Variants in PABPC4L observed in about 807,000 individuals in gnomAD.
PABPC4L encodes the protein poly(A) binding protein cytoplasmic 4 like.
For synonymous variants in PABPC4L, 169 were observed against 164.1 expected (o/e 1.03, Z -0.23); for missense variants, 452 against 451.4 (o/e 1.00, Z -0.01).
chr4:134,013,215 C>T, the PABPC4L span, among the ~76,000 whole-genome samples: 6 of 151,966 alleles, frequency 3.9e-5, no homozygotes. Context: ...TCCCACTTTT[C>T]TGGGGGAGGG....
At chr4:134,097,442 C>A in the PABPC4L span, among the ~76,000 whole-genome samples, 1 of 151,802 alleles carries the variant, frequency 6.6e-6, no homozygotes, top group South Asian at 2.1e-4. Context: ...GCAGACCAAT[C>A]AACTACCTCA....
chr4:134,015,233 A>G, the PABPC4L span, among the ~76,000 whole-genome samples: 1 of 152,144 alleles, frequency 6.6e-6, no homozygotes, highest in Non-Finnish European at 1.5e-5. Flanking sequence ...TTTAAAGCCT[A>G]TAAACTCTCC....
At chr4:134,120,088 T>C in the PABPC4L span, among the ~76,000 whole-genome samples, 1 of 151,598 alleles carries the variant, frequency 6.6e-6, no homozygotes, top group Admixed American at 6.6e-5. Context: ...TGCACTTCTG[T>C]TGACATTGAT....
At chr4:134,187,306 A>G in the PABPC4L span, among the ~76,000 whole-genome samples, 2 of 152,206 alleles carry the variant, frequency 1.3e-5, no homozygotes, top group South Asian at 2.1e-4. Context: ...ATGTCCATCA[A>G]TGATAGACTG....
chr4:133,983,759 A>T, the PABPC4L span, among the ~76,000 whole-genome samples: 6 of 151,936 alleles, frequency 3.9e-5, no homozygotes, highest in East Asian at 1.2e-3. Context: ...TCTTATAGGT[A>T]TATTGGAACA....
the PABPC4L span, among the ~76,000 whole-genome samples, chr4:134,145,113 C>A: frequency 6.6e-6 from 1 of 151,682 alleles, no homozygotes; most frequent in Non-Finnish European, 1.5e-5. Context: ...TAGGTTGGTG[C>A]AAAAGTAATT....
the PABPC4L span, among the ~76,000 whole-genome samples, chr4:134,140,442 C>G: frequency 6.6e-6 from 1 of 151,748 alleles, no homozygotes; most frequent in East Asian, 1.9e-4. Flanking sequence ...AAATGAATTT[C>G]TCATCAAATA....
chr4:134,078,650 GC>G, the PABPC4L span, among the ~76,000 whole-genome samples: 15 of 94,988 alleles, frequency 1.6e-4, no homozygotes, highest in African/African-American at 6.1e-4. Context: ...AAGTTTTGTA[GC>G]TTTTTTTTTT....
At chr4:133,956,058 TA>T in the PABPC4L span, among the ~76,000 whole-genome samples, 233 of 151,324 alleles carry the variant, frequency 1.5e-3, no homozygotes, top group Middle Eastern at 3.4e-3. Flanking sequence ...ATGGACTTAT[TA>T]AAAAAAAATG....
At chr4:133,952,005 C>A in the PABPC4L span, among the ~76,000 whole-genome samples, 1 of 152,116 alleles carries the variant, frequency 6.6e-6, no homozygotes, top group African/African-American at 2.4e-5. Flanking sequence ...TATTTAACTT[C>A]TTTTTCTACA....
the PABPC4L span, among the ~76,000 whole-genome samples, chr4:134,034,958 C>T: frequency 5.9e-5 from 9 of 151,916 alleles, no homozygotes; most frequent in African/African-American, 2.2e-4. Context: ...AACAGCATCA[C>T]ATATGACAGA....
the PABPC4L span, among the ~76,000 whole-genome samples, chr4:134,046,770 T>C: frequency 1.1e-4 from 16 of 152,310 alleles, no homozygotes; most frequent in African/African-American, 2.9e-4. Flanking sequence ...TGTAAACATA[T>C]TGTTAACAAG....
chr4:134,015,816 G>A, the PABPC4L span, among the ~76,000 whole-genome samples: 7 of 152,054 alleles, frequency 4.6e-5, no homozygotes, highest in Non-Finnish European at 7.4e-5. Flanking sequence ...TGCGTGTGGC[G>A]GCTGCCACTG....
the PABPC4L span, among the ~76,000 whole-genome samples, chr4:134,191,297 T>C: frequency 1.3e-5 from 2 of 152,006 alleles, no homozygotes; most frequent in African/African-American, 4.8e-5. Flanking sequence ...GACGGAAAAT[T>C]AAAAAGGAAA....
At chr4:134,091,053 T>C in the PABPC4L span, among the ~76,000 whole-genome samples, 4 of 151,992 alleles carry the variant, frequency 2.6e-5, no homozygotes, top group East Asian at 7.7e-4. Flanking sequence ...AAATGTGTGT[T>C]TGTGTTTTGG....
chr4:134,013,648 A>G, the PABPC4L span, among the ~76,000 whole-genome samples: 1 of 152,108 alleles, frequency 6.6e-6, no homozygotes, highest in Non-Finnish European at 1.5e-5. Flanking sequence ...AAACGGTCTG[A>G]GGTGCCTGAT....
the PABPC4L span, among the ~76,000 whole-genome samples, chr4:134,051,859 G>A: frequency 2.6e-5 from 4 of 152,006 alleles, no homozygotes; most frequent in Non-Finnish European, 5.9e-5. Context: ...AATGCTTAAT[G>A]TTTATACATG....
chr4:134,197,845 T>C lies in PABPC4L; in HGVS notation c.*2062A>G, dbSNP rs1056416793. 6 of 151,784 alleles carry C rather than the reference T, an allele frequency of 4.0e-5. No homozygotes were observed. The highest frequency in any genetic ancestry group is 8.9e-5 in the Non-Finnish European group (6 of 67,704). 9.4% of individuals were successfully genotyped at this position (151,784 alleles called of 1,614,324 possible). ...AATAGGCATTCTCCTACAATGACAA[T>C]GGAAATGTAAGTGCCACAAGTATTC... On this transcript the variant is annotated 3_prime_UTR_variant, in exon 2 of 2. Transcript: ENST00000421491.
the PABPC4L span, among the ~76,000 whole-genome samples, chr4:134,175,402 T>G: frequency 1.3e-5 from 2 of 150,088 alleles, no homozygotes; most frequent in Admixed American, 6.6e-5. Flanking sequence ...CTTTTTTTAA[T>G]AATTTAATTT....
Sources: allele counts gnomAD v4.1 joint callset (sites outside exome capture counted in the v4.1 genomes callset), GRCh38; gene constraint gnomAD v4.1.1; transcripts MANE v1.5; gene names NCBI Gene and HGNC (gene_info 2026-07-23, HGNC 2026-07-21).